The following GPC5 variants were observed in gnomAD, a reference collection of about 807,000 sequenced individuals.
GPC5 encodes the protein glypican 5.
A neutral mutation model predicts 53.9 loss-of-function variants in GPC5; 47 were observed. The ratio of observed to expected loss-of-function variants is 0.87; its 90% confidence interval spans 0.69 to 1.11. GPC5 has a LOEUF of 1.11. GPC5 is among the 50% of genes most tolerant of loss of function. The pLI is 0.00. For missense variants in GPC5, 748 were observed against 713.1 expected (o/e 1.05, Z -0.56); for synonymous variants, 286 against 263.3 (o/e 1.09, Z -0.84).
intron 2 of GPC5, among the ~76,000 whole-genome samples, chr13:91,665,505 C>CTTTTT (rs371605806): frequency 6.8e-6 from 1 of 146,128 alleles, no homozygotes; most frequent in Non-Finnish European, 1.5e-5. Flanking sequence ...AAAAGCCAGT[C>CTTTTT]TTTTTTTTTT....
chr13:92,134,370 C>G (rs1055985967), intron 6 of GPC5, among the ~76,000 whole-genome samples: 1 of 151,932 alleles, frequency 6.6e-6, no homozygotes, highest in South Asian at 2.1e-4. Context: ...ATCCAGGCCA[C>G]GAAGAACTGT....
At chr13:92,291,200 C>A (rs2042992693) in intron 7 of GPC5, among the ~76,000 whole-genome samples, 1 of 152,154 alleles carries the variant, frequency 6.6e-6, no homozygotes, top group Non-Finnish European at 1.5e-5. Flanking sequence ...GTGCCCAGTC[C>A]CATCGACCAC....
chr13:91,830,052 T>A (rs540232491), intron 5 of GPC5, among the ~76,000 whole-genome samples: 23 of 152,124 alleles, frequency 1.5e-4, no homozygotes, highest in African/African-American at 4.8e-4. Context: ...AGGTGGGAAT[T>A]TCTTCTTCCT....
intron 2 of GPC5, among the ~76,000 whole-genome samples, chr13:91,558,979 T>G (rs1309578625): frequency 6.6e-6 from 1 of 152,138 alleles, no homozygotes; most frequent in Admixed American, 6.6e-5. Flanking sequence ...TGTTCATAAT[T>G]CTTTATGGTG....
chr13:92,133,489 G>T (rs543467635), intron 6 of GPC5, among the ~76,000 whole-genome samples: 1 of 152,274 alleles, frequency 6.6e-6, no homozygotes, highest in Admixed American at 6.5e-5. Context: ...CCAAAACCAA[G>T]TTTTAAAGGA....
intron 7 of GPC5, among the ~76,000 whole-genome samples, chr13:92,754,995 A>G (rs918370594): frequency 1.6e-4 from 24 of 152,176 alleles, no homozygotes; most frequent in Admixed American, 1.2e-3. Context: ...ACACATCTAC[A>G]GAACTCTCCA....
Position 92,643,208 on chromosome 13 carries a change from T to G in GPC5, c.1562-223074T>G, listed in dbSNP as rs200459293. Among the ~76,000 whole-genome samples the G allele has an allele frequency of 1.7e-4, 26 of 152,236 alleles. 1 individual carries two copies. The East Asian group carries it at 4.3e-3, about 25-fold the overall frequency. On this transcript the variant is annotated intron_variant, in intron 7 of 7. Transcript: ENST00000377067. ...ACTCTGATGGTAGTTTCTTTTGCTG[T>G]GCAGAAGCTCTTTAGTTTAATTAGA...
intron 6 of GPC5, among the ~76,000 whole-genome samples, chr13:92,071,457 T>C (rs2041210481): frequency 6.6e-6 from 1 of 152,166 alleles, no homozygotes; most frequent in African/African-American, 2.4e-5. Context: ...GCAATTATTT[T>C]AAGGTATACA....
intron 7 of GPC5, among the ~76,000 whole-genome samples, chr13:92,845,107 T>C (rs1272581461): frequency 6.6e-6 from 1 of 152,002 alleles, no homozygotes; most frequent in Non-Finnish European, 1.5e-5. Context: ...TCACTCCTGA[T>C]GAAGCTGAAT....
chr13:91,407,868 C>T (rs1358640156), intron 1 of GPC5, among the ~76,000 whole-genome samples: 1 of 152,038 alleles, frequency 6.6e-6, no homozygotes, highest in African/African-American at 2.4e-5. Context: ...GAAATATTTC[C>T]AACAATTCCA....
At chr13:92,836,147 C>T (rs1431298518) in intron 7 of GPC5, among the ~76,000 whole-genome samples, 4 of 151,942 alleles carry the variant, frequency 2.6e-5, no homozygotes, top group Non-Finnish European at 5.9e-5. Flanking sequence ...ATTTGCCATA[C>T]AAAAGTTTTT....
intron 6 of GPC5, among the ~76,000 whole-genome samples, chr13:92,114,519 A>G (rs1343439769): frequency 1.3e-5 from 2 of 152,252 alleles, no homozygotes; most frequent in African/African-American, 4.8e-5. Flanking sequence ...ATGGCGGCAA[A>G]TAAATTGCTC....
At position 91,818,796 on chromosome 13, in the gene GPC5, T is replaced by C. The variant is rs189209808; in HGVS notation, c.1280+62376T>C. Among the ~76,000 whole-genome samples the C allele has an allele frequency of 5.9e-5, 9 of 152,280 alleles. No homozygotes were observed. The East Asian group carries it at 1.5e-3, about 26-fold the overall frequency. ...AAGACAAAGCCAGCATTATAAGATA[T>C]ATAAATACAAGATGTTTTAGAGACA... is the stretch of plus-strand genomic sequence containing the variant. On this transcript the variant is annotated intron_variant, in intron 5 of 7. Transcript: ENST00000377067.
intron 7 of GPC5, among the ~76,000 whole-genome samples, chr13:92,590,593 T>C (rs1197551295): frequency 6.6e-6 from 1 of 152,192 alleles, no homozygotes; most frequent in Non-Finnish European, 1.5e-5. Context: ...TCCTTCTGAA[T>C]TCACTTTCTA....
At chr13:92,444,577 ATAC>A (rs1309890306) in intron 7 of GPC5, among the ~76,000 whole-genome samples, 2 of 152,106 alleles carry the variant, frequency 1.3e-5, no homozygotes, top group African/African-American at 4.8e-5. Flanking sequence ...CCAAGTGGTA[ATAC>A]AAACCAGACA....
At chr13:92,561,641 A>G (rs1882697569) in intron 7 of GPC5, among the ~76,000 whole-genome samples, 1 of 152,052 alleles carries the variant, frequency 6.6e-6, no homozygotes, top group South Asian at 2.1e-4. Flanking sequence ...GTAACTGTGC[A>G]GTGTTATCAT....
chr13:92,614,426 C>T (rs1331305211), intron 7 of GPC5, among the ~76,000 whole-genome samples: 1 of 152,060 alleles, frequency 6.6e-6, no homozygotes, highest in East Asian at 1.9e-4. Context: ...TAAGTTGAAC[C>T]ATTTTAAGTC....
Position 91,401,163 on chromosome 13 carries a change from C to A in GPC5, c.163+1954C>A, listed in dbSNP as rs565085887. Among the ~76,000 whole-genome samples, 10 of 151,986 alleles carry A rather than the reference C, an allele frequency of 6.6e-5. No homozygotes were observed. The South Asian group carries it at 2.1e-3, about 32-fold the overall frequency. On this transcript the variant is annotated intron_variant, in intron 1 of 7. Coordinates refer to ENST00000377067, the MANE Select transcript of GPC5 (RefSeq NM_004466.6). ...AAAGTGCTATGCTGATTTAGATCCA[C>A]CCCCCAAAAAAGGCATTCATATAGG...
In GPC5 at chr13:91,611,761, C is replaced by A. The variant is rs578228335; in HGVS notation, c.326-81426C>A. 2.0e-5 allele frequency among the ~76,000 whole-genome samples: 3 copies of A among 152,282 alleles called. No homozygotes were observed. In the East Asian group the frequency reaches 5.8e-4, roughly 29 times the overall value. On this transcript the variant is annotated intron_variant, in intron 2 of 7. Coordinates refer to ENST00000377067, the MANE Select transcript of GPC5 (RefSeq NM_004466.6). The stretch of plus-strand genomic sequence containing the variant: ...AGTCCCTATGGCCATAGTCTTGATG[C>A]ATATTCCTTGGCAATCCTGACACCC...
Sources: allele counts gnomAD v4.1 joint callset (sites outside exome capture counted in the v4.1 genomes callset), GRCh38; gene constraint gnomAD v4.1.1; transcripts MANE v1.5; gene names NCBI Gene and HGNC (gene_info 2026-07-23, HGNC 2026-07-21).